The following PIBF1 variants were observed in gnomAD, a reference collection of about 807,000 sequenced individuals.
PIBF1 encodes progesterone immunomodulatory binding factor 1.
A neutral mutation model predicts 112.5 loss-of-function variants in PIBF1; 90 were observed. The observed-to-expected ratio is 0.80, with a 90% CI of 0.67 to 0.95. The LOEUF is 0.95. Among genes scored for constraint, PIBF1 ranks in the 40% least tolerant of loss-of-function variants. The pLI, the probability that PIBF1 is intolerant of heterozygous loss-of-function variation, is 0.00. For synonymous variants in PIBF1, 301 were observed against 288.6 expected (o/e 1.04, Z -0.44); for missense variants, 915 against 852.3 (o/e 1.07, Z -0.92).
intron 9 of PIBF1, among the ~76,000 whole-genome samples, chr13:72,850,251 T>G (rs1035648655): frequency 1.3e-5 from 2 of 152,194 alleles, no homozygotes; most frequent in African/African-American, 4.8e-5. Flanking sequence ...CCCAGTTCAT[T>G]TCTGTTTTCT....
At chr13:72,827,237 A>ATTT in intron 7 of PIBF1, 119 bp downstream of exon 7, 1 of 384,446 alleles carries the variant, frequency 2.6e-6, no homozygotes, top group Non-Finnish European at 4.6e-6. Context: ...CAAAAAGATA[A>ATTT]ATTTTTTTTT....
intron 17 of PIBF1, among the ~76,000 whole-genome samples, chr13:73,001,326 T>A (rs1302861763): frequency 6.6e-6 from 1 of 152,198 alleles, no homozygotes; most frequent in East Asian, 1.9e-4. Context: ...ACGCTAATAT[T>A]TGAAGTAAGA....
At chr13:72,789,503 G>A (rs1315017458) in intron 2 of PIBF1, among the ~76,000 whole-genome samples, 1 of 151,954 alleles carries the variant, frequency 6.6e-6, no homozygotes, top group Non-Finnish European at 1.5e-5. Context: ...ATTTTTAAAT[G>A]CCCCAAACTC....
rs528607765 is a variant in PIBF1 at position 72,827,906 on chromosome 13, A to G, written c.1089A>G (p.Val363=). 1.3e-6 allele frequency: 2 copies of G among 1,566,742 alleles called. No individual in the cohort carries two copies. Among genetic ancestry groups the G allele is most frequent in the South Asian group, 1.2e-5 (1 of 81,688 alleles). The change falls in exon 8 of 18, where the codon GTA becomes GTG. Residue 363 remains valine (V), a synonymous_variant. Transcript: ENST00000326291. The stretch of plus-strand genomic sequence containing the variant: ...GAGAAGAGATGTATGAAAAATATGT[A>G]GCATCCAGGCAAGATTTGCATTATT... ...KAREEMYEKY[V]ASRDHYKTEY... is the part of the protein sequence containing the mutation.
chr13:72,847,727 A>T (rs986943620), intron 9 of PIBF1, among the ~76,000 whole-genome samples: 1 of 152,236 alleles, frequency 6.6e-6, no homozygotes, highest in South Asian at 2.1e-4. Flanking sequence ...TAAGATTTCC[A>T]CTTTGCTTAT....
Position 72,927,966 on chromosome 13 carries a change from T to TATAC in PIBF1, c.1731-3196_1731-3195insCATA, listed in dbSNP as rs1555316889. 2.4e-4 allele frequency among the ~76,000 whole-genome samples: 24 copies of TATAC among 99,424 alleles called. 1 individual carries two copies. The highest frequency in any genetic ancestry group is 1.1e-3 in the African/African-American group (17 of 15,030). 65.2% of individuals were successfully genotyped at this position (99,424 alleles called of 152,430 possible). On this transcript the variant is annotated intron_variant, in intron 13 of 17. Transcript: ENST00000326291. ...GTGTGTATATATATATATACACATATATATATATATACATATATATATACA... is the reference window on the plus strand; with the variant it reads ...GTGTGTATATATATATATACACATATATACATATATATATACATATATATATACA...
intron 9 of PIBF1, among the ~76,000 whole-genome samples, chr13:72,849,935 T>C (rs928174824): frequency 6.6e-6 from 1 of 152,224 alleles, no homozygotes; most frequent in East Asian, 1.9e-4. Flanking sequence ...AGTTGTGATA[T>C]GTAAAGTGCT....
intron 3 of PIBF1, among the ~76,000 whole-genome samples, chr13:72,794,560 T>A (rs183872536): frequency 3.4e-4 from 52 of 152,328 alleles, no homozygotes; most frequent in African/African-American, 1.1e-3. Flanking sequence ...GGGAGGTAAC[T>A]GAATCATGGA....
At chr13:72,912,040 A>G (rs1014720619) in intron 12 of PIBF1, among the ~76,000 whole-genome samples, 21 of 152,002 alleles carry the variant, frequency 1.4e-4, no homozygotes, top group African/African-American at 4.8e-4. Context: ...AAAGGAAGGA[A>G]GGAAAGAAAA....
At chr13:72,929,727 T>A (rs1056960741) in intron 13 of PIBF1, among the ~76,000 whole-genome samples, 3 of 152,170 alleles carry the variant, frequency 2.0e-5, no homozygotes, top group African/African-American at 7.2e-5. Flanking sequence ...TTTCCATCTC[T>A]AATGCCAGTT....
intron 17 of PIBF1, among the ~76,000 whole-genome samples, chr13:73,004,437 G>A (rs2043966571): frequency 6.6e-6 from 1 of 151,096 alleles, no homozygotes; most frequent in South Asian, 2.1e-4. Context: ...GTTGCATTGA[G>A]CCGAGATTGT....
At chr13:72,928,031 A>G (rs113666939) in intron 13 of PIBF1, among the ~76,000 whole-genome samples, 5 of 111,270 alleles carry the variant, frequency 4.5e-5, no homozygotes, top group African/African-American at 2.8e-5. Context: ...ATATACATAT[A>G]TATATATATA....
rs115036502 is a variant in PIBF1 at position 73,015,737 on chromosome 13, T to G, written c.2224-132T>G. On this transcript the variant is annotated intron_variant, in intron 17 of 17. Coordinates refer to ENST00000326291, the MANE Select transcript of PIBF1 (RefSeq NM_006346.4). The stretch of plus-strand genomic sequence containing the variant: ...CAAAGTCTTCGCCCTTAAGTATCCT[T>G]TCTGAATTAAGAAAAGCAATTTTTT... 8.2e-4 allele frequency: 309 copies of G among 377,804 alleles called. 1 individual carries two copies. The highest frequency in any genetic ancestry group is 5.5e-3 in the African/African-American group (262 of 47,914). The allele number at this position is 377,804 out of a possible 1,614,324, so 23.4% of individuals were successfully genotyped here.
intron 3 of PIBF1, among the ~76,000 whole-genome samples, chr13:72,795,074 CAGA>C (rs1232757040): frequency 6.6e-6 from 1 of 152,000 alleles, no homozygotes; most frequent in East Asian, 1.9e-4. Flanking sequence ...AAACCTTAAG[CAGA>C]AGAAATATAT....
At chr13:72,787,869 A>T (rs1321091581) in intron 2 of PIBF1, among the ~76,000 whole-genome samples, 1 of 152,138 alleles carries the variant, frequency 6.6e-6, no homozygotes, top group Non-Finnish European at 1.5e-5. Context: ...TATGTTGGCC[A>T]GGCTGGTCTC....
At chr13:72,949,042 A>G (rs1021086041) in intron 14 of PIBF1, among the ~76,000 whole-genome samples, 16 of 152,204 alleles carry the variant, frequency 1.1e-4, no homozygotes, top group African/African-American at 3.6e-4. Flanking sequence ...TTCAAATACA[A>G]TCAGTCTACT....
intron 10 of PIBF1, among the ~76,000 whole-genome samples, chr13:72,859,942 A>G (rs368282180): frequency 2.0e-5 from 3 of 152,228 alleles, no homozygotes; most frequent in African/African-American, 4.8e-5. Flanking sequence ...AAGCGTTCAC[A>G]TATGAAAAAG....
chr13:72,810,083 A>G (rs1172643304), intron 5 of PIBF1, among the ~76,000 whole-genome samples: 3 of 152,180 alleles, frequency 2.0e-5, no homozygotes, highest in African/African-American at 7.2e-5. Flanking sequence ...AGTGTCAGTA[A>G]TGTAGTCTAA....
At chr13:72,862,880 T>C (rs2038757091) in intron 10 of PIBF1, among the ~76,000 whole-genome samples, 2 of 152,198 alleles carry the variant, frequency 1.3e-5, no homozygotes, top group African/African-American at 4.8e-5. Flanking sequence ...TAAAATGTAA[T>C]CTTAATGACC....
Sources: allele counts gnomAD v4.1 joint callset (sites outside exome capture counted in the v4.1 genomes callset), GRCh38; gene constraint gnomAD v4.1.1; transcripts MANE v1.5; gene names NCBI Gene and HGNC (gene_info 2026-07-23, HGNC 2026-07-21).